Variants in CPNE8 observed in about 807,000 individuals in gnomAD.
The protein encoded by CPNE8 is copine-8.
CPNE8 carries 45 observed loss-of-function variants against 81.5 expected under a neutral mutation model. The observed-to-expected ratio is 0.55, with a 90% CI of 0.44 to 0.71. CPNE8 has a LOEUF of 0.71. Among genes scored for constraint, CPNE8 ranks in the 30% least tolerant of loss-of-function variants. CPNE8 has a pLI of 0.00. For missense variants in CPNE8, 594 were observed against 672.1 expected, an observed-to-expected ratio of 0.88 and a Z score of 1.28; for synonymous variants, 252 against 226.3, an observed-to-expected ratio of 1.11 and a Z score of -1.02.
chr12:38,870,721 C>T (rs551004145), intron 3 of CPNE8, among the ~76,000 whole-genome samples: 5 of 152,032 alleles, frequency 3.3e-5, no homozygotes, highest in Non-Finnish European at 7.4e-5. Flanking sequence ...CAGCAAACCA[C>T]TATGGCACTT....
At chr12:38,700,163 T>A (rs1939903700) in intron 14 of CPNE8, among the ~76,000 whole-genome samples, 1 of 152,070 alleles carries the variant, frequency 6.6e-6, no homozygotes, top group Non-Finnish European at 1.5e-5. Flanking sequence ...ACAAAAATGT[T>A]AAGCTTTTCA....
chr12:38,753,171 G>A (rs1027762600), intron 10 of CPNE8, among the ~76,000 whole-genome samples: 18 of 152,148 alleles, frequency 1.2e-4, no homozygotes, highest in African/African-American at 4.1e-4. Flanking sequence ...ATCAGAGCTG[G>A]CAGGGTGTAG....
At chr12:38,732,051 T>C (rs1396221275) in intron 10 of CPNE8, among the ~76,000 whole-genome samples, 2 of 151,736 alleles carry the variant, frequency 1.3e-5, no homozygotes. Context: ...TATCGATAGT[T>C]GTAGAGGAGG....
At chr12:38,893,696 C>G (rs780816410) in intron 1 of CPNE8, among the ~76,000 whole-genome samples, 1 of 152,120 alleles carries the variant, frequency 6.6e-6, no homozygotes, top group Non-Finnish European at 1.5e-5. Context: ...GTGTCTGGGT[C>G]GGGAGCCCTT....
intron 19 of CPNE8, among the ~76,000 whole-genome samples, chr12:38,659,823 AACAG>A (rs1206803470): frequency 6.6e-6 from 1 of 152,150 alleles, no homozygotes; most frequent in Non-Finnish European, 1.5e-5. Flanking sequence ...ATACACCAAT[AACAG>A]ACAGAGGGCC....
chr12:38,670,223 T>C (rs1939143030), intron 19 of CPNE8, among the ~76,000 whole-genome samples: 1 of 152,182 alleles, frequency 6.6e-6, no homozygotes, highest in African/African-American at 2.4e-5. Flanking sequence ...GCTTAAATGG[T>C]ACTGAGACCT....
intron 3 of CPNE8, among the ~76,000 whole-genome samples, chr12:38,870,858 G>T (rs1167114181): frequency 6.7e-6 from 1 of 149,942 alleles, no homozygotes; most frequent in East Asian, 1.9e-4. Context: ...TTAAAAAAAA[G>T]AAATTCCCAC....
At chr12:38,735,205 C>T (rs1409874265) in intron 10 of CPNE8, among the ~76,000 whole-genome samples, 1 of 151,646 alleles carries the variant, frequency 6.6e-6, no homozygotes, top group Admixed American at 6.6e-5. Flanking sequence ...AGTCCTGGAA[C>T]ACATATCAAG....
intron 3 of CPNE8, 121 bp downstream of exon 3, chr12:38,872,883 A>G: frequency 3.1e-6 from 2 of 655,574 alleles, no homozygotes; most frequent in Non-Finnish European, 2.7e-6. Context: ...TAAGATAAAA[A>G]CAATTCAATC....
At chr12:38,792,751 C>T (rs1178035674) in intron 6 of CPNE8, among the ~76,000 whole-genome samples, 2 of 151,694 alleles carry the variant, frequency 1.3e-5, no homozygotes, top group African/African-American at 4.8e-5. Context: ...ATTACCCCAA[C>T]ACCAAAGCAC....
Position 38,776,311 on chromosome 12 carries a change from C to G in CPNE8, c.408-10G>C. ...CTTCCCTGGAATTCCTCTAAAACAA[C>G]AAAAATATATTTATATACATTAATA... On this transcript the variant is annotated splice_polypyrimidine_tract_variant and intron_variant, in intron 6 of 19. Transcript: ENST00000331366. 7.4e-7 allele frequency: 1 copy of G among 1,342,928 alleles called. No homozygotes were observed. Among genetic ancestry groups the G allele is most frequent in the Non-Finnish European group, 1.0e-6 (1 of 966,638 alleles). The allele number at this position is 1,342,928 out of a possible 1,614,324, so 83.2% of individuals were successfully genotyped here. A position where few individuals can be genotyped will look rare whatever the true frequency, so the allele number is the denominator to read the frequency against.
intron 10 of CPNE8, among the ~76,000 whole-genome samples, chr12:38,739,089 G>A (rs1419292392): frequency 6.6e-6 from 1 of 152,020 alleles, no homozygotes; most frequent in Non-Finnish European, 1.5e-5. Context: ...TTGGATTACA[G>A]GTGTGAGCTG....
chr12:38,814,117 G>T (rs1942982448), intron 6 of CPNE8, among the ~76,000 whole-genome samples: 1 of 152,056 alleles, frequency 6.6e-6, no homozygotes, highest in Non-Finnish European at 1.5e-5. Flanking sequence ...GGGTCTGCGG[G>T]CTGTCAGGGA....
chr12:38,711,168 A>G lies in CPNE8; in HGVS notation c.915-8247T>C, dbSNP rs992898728. Among the ~76,000 whole-genome samples the G allele has an allele frequency of 4.6e-5, 7 of 152,206 alleles. No homozygotes were observed. The South Asian group carries it at 1.0e-3, about 23-fold the overall frequency. ...ATTTAAAGTTGTTTTCCTACTATTA[A>G]TAATAGTTTTGCAAAAATTCATTGC... On this transcript the variant is annotated intron_variant, in intron 13 of 19. Coordinates refer to ENST00000331366, the MANE Select transcript of CPNE8 (RefSeq NM_153634.3).
At chr12:38,880,555 T>C (rs925611264) in intron 1 of CPNE8, among the ~76,000 whole-genome samples, 5 of 152,214 alleles carry the variant, frequency 3.3e-5, no homozygotes, top group Admixed American at 1.3e-4. Context: ...CCCGTGTCAC[T>C]GAACCATGCC....
At chr12:38,736,963 A>G (rs867944506) in intron 10 of CPNE8, among the ~76,000 whole-genome samples, 2 of 152,056 alleles carry the variant, frequency 1.3e-5, no homozygotes, top group Non-Finnish European at 2.9e-5. Flanking sequence ...ATTTTAAAAT[A>G]CTTATGTAAC....
intron 6 of CPNE8, among the ~76,000 whole-genome samples, chr12:38,798,437 T>C (rs1353622771): frequency 6.6e-6 from 1 of 151,990 alleles, no homozygotes; most frequent in African/African-American, 2.4e-5. Context: ...GAATTTCATA[T>C]CCAGCCAAAC....
chr12:38,782,022 T>C (rs1335561354), intron 6 of CPNE8, among the ~76,000 whole-genome samples: 2 of 151,996 alleles, frequency 1.3e-5, no homozygotes, highest in Non-Finnish European at 2.9e-5. Flanking sequence ...TAGTGAAAAA[T>C]GAGTGAAATT....
intron 5 of CPNE8, among the ~76,000 whole-genome samples, chr12:38,835,635 T>C (rs920720665): frequency 2.6e-5 from 4 of 152,222 alleles, no homozygotes; most frequent in Non-Finnish European, 5.9e-5. Context: ...CATCTATATA[T>C]ACGTTAAATT....
Sources: gnomAD v4.1 joint callset for allele counts (sites outside exome capture counted in the v4.1 genomes callset) on GRCh38, gnomAD v4.1.1 for gene constraint, MANE v1.5 for transcripts, NCBI Gene and HGNC (gene_info 2026-07-23, HGNC 2026-07-21) for gene names.